ZNF267: variants seen among roughly 807,000 people sequenced by gnomAD.
ZNF267 encodes zinc finger (C2H2).
A neutral mutation model predicts 71.6 loss-of-function variants in ZNF267; 61 were observed. The observed-to-expected ratio is 0.85, with a 90% CI of 0.69 to 1.05. The LOEUF (loss-of-function observed/expected upper bound fraction) is 1.05, where lower values mean the gene tolerates loss of function less well. Ranked by LOEUF, ZNF267 falls within the 50% of genes least tolerant of loss-of-function variation. The pLI is 0.00. For synonymous variants in ZNF267, 288 were observed against 293.2 expected, an observed-to-expected ratio of 0.98 and a Z score of 0.18; for missense variants, 852 against 870.0, an observed-to-expected ratio of 0.98 and a Z score of 0.26.
In ZNF267 at chr16:31,915,676, C is replaced by T; in HGVS notation, c.1427C>T (p.Ser476Phe). Residue 476 changes from serine to phenylalanine, a missense_variant, in exon 4 of 4, where the codon TCT becomes TTT. Transcript: ENST00000300870. The part of the protein sequence containing the change: ...CKVCSKSYAR[S>F]SNLIMHQRVH... ...GTATGTAGCAAATCTTATGCTCGTTCTTCAAATCTTATTATGCATCAGAGA... is the reference window on the plus strand; with the variant it reads ...GTATGTAGCAAATCTTATGCTCGTTTTTCAAATCTTATTATGCATCAGAGA... 1 of 1,613,744 alleles carries T rather than the reference C, an allele frequency of 6.2e-7. No homozygotes were observed. Among genetic ancestry groups the T allele is most frequent in the Non-Finnish European group, 8.5e-7 (1 of 1,179,924 alleles).
Position 31,914,596 on chromosome 16 carries a change from G to C in ZNF267, c.347G>C (p.Arg116Thr), listed in dbSNP as rs1027720344. The change falls in exon 4 of 4, where the codon AGG (arginine) becomes ACG (threonine). Residue 116 changes from arginine to threonine, a missense_variant. By Grantham distance (71) the Arg-to-Thr change is moderately conservative. Transcript: ENST00000300870. ...CTTGAGAATTTACATTTAAGAAAAA[G>C]GTGGAAAAGGGAGGAGTGTGAAGGG... ...CDLENLHLRK[R>T]WKREECEGHN... 1.9e-6 allele frequency: 3 copies of C among 1,614,080 alleles called. No homozygotes were observed. Among genetic ancestry groups the C allele is most frequent in the Non-Finnish European group, 2.5e-6 (3 of 1,180,014 alleles).
chr16:31,882,823 G>A (rs1166546533), intron 1 of ZNF267, among the ~76,000 whole-genome samples: 5 of 152,182 alleles, frequency 3.3e-5, no homozygotes, highest in Non-Finnish European at 4.4e-5. Context: ...CTTGGTGCAG[G>A]TGCTCTCTGT....
intron 1 of ZNF267, among the ~76,000 whole-genome samples, chr16:31,879,477 AT>A (rs2083875271): frequency 6.6e-6 from 1 of 151,926 alleles, no homozygotes; most frequent in African/African-American, 2.4e-5. Flanking sequence ...TGATTTTATG[AT>A]TTTCTTCTTC....
intron 1 of ZNF267, among the ~76,000 whole-genome samples, chr16:31,878,142 G>T (rs1057185724): frequency 6.6e-6 from 1 of 152,144 alleles, no homozygotes; most frequent in Non-Finnish European, 1.5e-5. Flanking sequence ...GGATTGGTTG[G>T]TGTTCAGCAA....
chr16:31,880,041 A>C (rs2083879240), intron 1 of ZNF267, among the ~76,000 whole-genome samples: 1 of 152,160 alleles, frequency 6.6e-6, no homozygotes. Context: ...ACAGCAATAC[A>C]CAAGAATTGC....
At chr16:31,910,203 C>G (rs982849902) in intron 3 of ZNF267, among the ~76,000 whole-genome samples, 1 of 148,048 alleles carries the variant, frequency 6.8e-6, no homozygotes, top group Non-Finnish European at 1.5e-5. Context: ...TAGATATTGG[C>G]GTACAGTTTT....
Position 31,916,682 on chromosome 16 carries a change from T to C in ZNF267, c.*201T>C. The C allele has an allele frequency of 1.7e-6, 1 of 596,982 alleles. No individual in the cohort carries two copies. The allele number at this position is 596,982 out of a possible 1,614,324, so 37.0% of individuals were successfully genotyped here. A position where few individuals can be genotyped will look rare whatever the true frequency, so the allele number is the denominator to read the frequency against. On this transcript the variant is annotated 3_prime_UTR_variant, in exon 4 of 4. Coordinates refer to ENST00000300870, the MANE Select transcript of ZNF267 (RefSeq NM_003414.6). ...AAATGTGGCAAATTATTTTAAACTG[T>C]GCTCAACCCTTACTCAAGATAATCC...
At chr16:31,904,331 C>T (rs1279315050) in intron 3 of ZNF267, among the ~76,000 whole-genome samples, 1 of 152,204 alleles carries the variant, frequency 6.6e-6, no homozygotes, top group Non-Finnish European at 1.5e-5. Context: ...AGTTCAATTC[C>T]TGGATATCCT....
chr16:31,916,782 G>T lies in ZNF267; in HGVS notation c.*301G>T. ...ATATCAAACTTATGAGTCACCTAGG[G>T]GTTCATAGAAAAAGGAAGTTTGCAG... On this transcript the variant is annotated 3_prime_UTR_variant, in exon 4 of 4. Coordinates refer to ENST00000300870, the MANE Select transcript of ZNF267 (RefSeq NM_003414.6). 1.2e-5 allele frequency: 3 copies of T among 250,014 alleles called. No individual in the cohort carries two copies. Among genetic ancestry groups the T allele is most frequent in the East Asian group, 8.4e-5 (1 of 11,888 alleles). The allele number at this position is 250,014 out of a possible 1,614,324, so 15.5% of individuals were successfully genotyped here. A position where few individuals can be genotyped will look rare whatever the true frequency, so the allele number is the denominator to read the frequency against.
chr16:31,905,450 C>T (rs1227237658), intron 3 of ZNF267, among the ~76,000 whole-genome samples: 5 of 152,310 alleles, frequency 3.3e-5, no homozygotes, highest in South Asian at 2.1e-4. Context: ...GGTCTTTTCA[C>T]ATAATCCCAT....
chr16:31,883,653 G>T (rs182711871), intron 1 of ZNF267, among the ~76,000 whole-genome samples: 1 of 152,148 alleles, frequency 6.6e-6, no homozygotes, highest in Non-Finnish European at 1.5e-5. Flanking sequence ...ATTTTTCTCA[G>T]ATTATTTATT....
intron 1 of ZNF267, among the ~76,000 whole-genome samples, chr16:31,884,003 C>T (rs974287644): frequency 5.3e-5 from 8 of 152,318 alleles, no homozygotes; most frequent in Non-Finnish European, 7.3e-5. Context: ...TCAACCACTG[C>T]ACTCCAGCCT....
intron 3 of ZNF267, among the ~76,000 whole-genome samples, chr16:31,900,447 C>A (rs964573403): frequency 6.6e-6 from 1 of 151,878 alleles, no homozygotes. Context: ...TTCTTTATTT[C>A]TTTATTTTTT....
intron 3 of ZNF267, 142 bp from the exon 4 acceptor site, chr16:31,914,334 A>G (rs2084156156): frequency 1.4e-6 from 1 of 705,516 alleles, no homozygotes; most frequent in African/African-American, 1.8e-5. Context: ...AAGTTTGTAT[A>G]TCAATTGAGA....
At chr16:31,892,471 C>T (rs1468379196) in intron 3 of ZNF267, among the ~76,000 whole-genome samples, 4 of 152,192 alleles carry the variant, frequency 2.6e-5, no homozygotes, top group African/African-American at 9.7e-5. Context: ...CACAATCATG[C>T]CTTCCCAATA....
At chr16:31,882,102 T>A (rs958291991) in intron 1 of ZNF267, among the ~76,000 whole-genome samples, 2 of 152,226 alleles carry the variant, frequency 1.3e-5, no homozygotes, top group African/African-American at 4.8e-5. Flanking sequence ...CTGGGAATTA[T>A]GGGATACTTA....
intron 1 of ZNF267, chr16:31,875,424 C>T (rs1396157265): frequency 5.4e-6 from 5 of 917,950 alleles, no homozygotes; most frequent in Non-Finnish European, 5.7e-6. Context: ...TTCTTCAAAG[C>T]TAGTTTTCAT....
chr16:31,881,563 C>G (rs896365158), intron 1 of ZNF267, among the ~76,000 whole-genome samples: 5 of 152,160 alleles, frequency 3.3e-5, no homozygotes, highest in Non-Finnish European at 5.9e-5. Context: ...AAACATTCCA[C>G]CTGGCAACAT....
chr16:31,884,534 T>C lies in ZNF267; in HGVS notation c.40T>C (p.Ser14Pro). 1.2e-6 allele frequency: 2 copies of C among 1,614,188 alleles called. No homozygotes were observed. The highest frequency in any genetic ancestry group is 1.7e-6 in the Non-Finnish European group (2 of 1,180,008). ...LTFRDVAVEF[S>P]LEEWEHLEPA... ...ATTCAGGGATGTGGCCGTAGAATTC[T>C]CTTTGGAGGAGTGGGAACACCTGGA... is the stretch of plus-strand genomic sequence containing the variant. The change falls in exon 2 of 4, where the codon TCT becomes CCT. Residue 14 changes from serine (S) to proline (P), a missense_variant. Transcript: ENST00000300870.
Sources: gnomAD v4.1 joint callset for allele counts (sites outside exome capture counted in the v4.1 genomes callset) on GRCh38, gnomAD v4.1.1 for gene constraint, MANE v1.5 for transcripts, NCBI Gene and HGNC (gene_info 2026-07-23, HGNC 2026-07-21) for gene names.